UQCRC2: variants seen among roughly 807,000 people sequenced by gnomAD.
UQCRC2 encodes cytochrome b-c1 complex subunit 2, mitochondrial.
UQCRC2 carries 49 observed loss-of-function variants against 55.6 expected under a neutral mutation model. The ratio of observed to expected loss-of-function variants is 0.88; its 90% CI spans 0.70 to 1.12. UQCRC2 has a LOEUF of 1.12. Ranked by LOEUF, UQCRC2 falls within the 50% of genes most tolerant of loss-of-function variation. The probability of loss-of-function intolerance (pLI) is 0.00; values close to 1 mark genes in which losing one functional copy is unlikely to be tolerated. For synonymous variants in UQCRC2, 193 were observed against 192.0 expected (o/e 1.01, Z -0.04); for missense variants, 506 against 547.8 (o/e 0.92, Z 0.76).
Position 21,968,689 on chromosome 16 carries a change from A to G in UQCRC2, c.670+4A>G. The stretch of plus-strand genomic sequence containing the variant: ...AGAATGGCTTTGATTGGACTTGGTA[A>G]GTTTAGAGTATTGCCTGCCTGTCAG... On this transcript the variant is annotated splice_donor_region_variant and intron_variant, in intron 8 of 13. Transcript: ENST00000268379. 1 of 1,605,230 alleles carries G rather than the reference A, an allele frequency of 6.2e-7. No individual in the cohort carries two copies.
At position 21,953,368 on chromosome 16, in the gene UQCRC2, A is replaced by G. The variant is rs1898041897; in HGVS notation, c.-56A>G. On this transcript the variant is annotated 5_prime_UTR_variant, in exon 1 of 14. Coordinates refer to ENST00000268379, the MANE Select transcript of UQCRC2 (RefSeq NM_003366.4). The stretch of plus-strand genomic sequence containing the variant: ...CGCTGGGAAACTCCCGGCCTCCGCC[A>G]CCATCTTGCTTTCCTTTAATCCGGC... 12 of 1,600,746 alleles carry G rather than the reference A, an allele frequency of 7.5e-6. No homozygotes were observed. The highest frequency in any genetic ancestry group is 1.7e-4 in the Middle Eastern group (1 of 6,050).
At chr16:21,954,500 T>C (rs182166409) in intron 1 of UQCRC2, among the ~76,000 whole-genome samples, 37 of 152,284 alleles carry the variant, frequency 2.4e-4, no homozygotes, top group Admixed American at 5.2e-4. Context: ...GAAGCACGGT[T>C]AGATTGGCAA....
chr16:21,964,885 C>T (rs1898289103), intron 6 of UQCRC2, among the ~76,000 whole-genome samples: 2 of 152,218 alleles, frequency 1.3e-5, no homozygotes, highest in South Asian at 4.1e-4. Context: ...GAAGGAAATA[C>T]TGCAGGCAAA....
chr16:21,956,465 ATC>A (rs1898088302), intron 1 of UQCRC2, among the ~76,000 whole-genome samples: 1 of 152,114 alleles, frequency 6.6e-6, no homozygotes, highest in Admixed American at 6.5e-5. Flanking sequence ...AATCGCTTGA[ATC>A]CAGGAGGCAG....
intron 4 of UQCRC2, among the ~76,000 whole-genome samples, chr16:21,960,823 TC>T (rs1898182039): frequency 6.6e-6 from 1 of 152,054 alleles, no homozygotes; most frequent in Admixed American, 6.6e-5. Flanking sequence ...AAACAGCATT[TC>T]TTTTTTTTTA....
intron 4 of UQCRC2, among the ~76,000 whole-genome samples, chr16:21,961,632 A>T (rs1283940828): frequency 2.6e-5 from 1 of 38,414 alleles, no homozygotes; most frequent in Non-Finnish European, 3.9e-5. Flanking sequence ...AAATTTATAT[A>T]TATATATATA....
At chr16:21,979,779 A>C (rs1230357108) in intron 12 of UQCRC2, among the ~76,000 whole-genome samples, 1 of 152,178 alleles carries the variant, frequency 6.6e-6, no homozygotes, top group Non-Finnish European at 1.5e-5. Context: ...ATTGCACTAC[A>C]ACATTATGTT....
chr16:21,953,365 G>T lies in UQCRC2; in HGVS notation c.-59G>T. 1 of 1,596,054 alleles carries T rather than the reference G, an allele frequency of 6.3e-7. No individual in the cohort carries two copies. The highest frequency in any genetic ancestry group is 8.5e-7 in the Non-Finnish European group (1 of 1,171,046). ...GAACGCTGGGAAACTCCCGGCCTCC[G>T]CCACCATCTTGCTTTCCTTTAATCC... On this transcript the variant is annotated 5_prime_UTR_variant, in exon 1 of 14. Transcript: ENST00000268379.
chr16:21,957,979 G>C (rs980996435), intron 3 of UQCRC2, among the ~76,000 whole-genome samples: 14 of 152,166 alleles, frequency 9.2e-5, no homozygotes, highest in African/African-American at 3.4e-4. Context: ...AGTTACATTA[G>C]ATTTAGTGCC....
intron 1 of UQCRC2, among the ~76,000 whole-genome samples, chr16:21,955,054 CAA>C (rs11388256): frequency 3.9e-5 from 4 of 101,886 alleles, no homozygotes; most frequent in Non-Finnish European, 5.6e-5. Context: ...GACTCCGTCT[CAA>C]AAAAAAAAAA....
intron 7 of UQCRC2, among the ~76,000 whole-genome samples, chr16:21,965,748 A>T (rs1898310015): frequency 6.6e-6 from 1 of 152,238 alleles, no homozygotes. Context: ...AAGTAAAATC[A>T]AACAAAATGA....
chr16:21,969,467 G>T (rs533931393), intron 8 of UQCRC2, among the ~76,000 whole-genome samples: 11 of 152,294 alleles, frequency 7.2e-5, no homozygotes, highest in Non-Finnish European at 1.5e-5. Flanking sequence ...AGGAGGCAGT[G>T]ATTGCAGTGA....
intron 10 of UQCRC2, among the ~76,000 whole-genome samples, chr16:21,972,348 G>A (rs532223719): frequency 6.6e-6 from 1 of 152,140 alleles, no homozygotes; most frequent in African/African-American, 2.4e-5. Flanking sequence ...AAGAGGAATT[G>A]AATGCTTAGA....
intron 4 of UQCRC2, among the ~76,000 whole-genome samples, chr16:21,961,659 TATATATATA>T (rs1567470600): frequency 9.4e-6 from 1 of 106,584 alleles, no homozygotes. Flanking sequence ...TATATATATA[TATATATATA>T]TTTTAGACAG....
intron 7 of UQCRC2, among the ~76,000 whole-genome samples, chr16:21,968,262 A>G (rs1324324514): frequency 6.6e-6 from 1 of 152,142 alleles, no homozygotes; most frequent in Non-Finnish European, 1.5e-5. Flanking sequence ...TTGGCCTCCC[A>G]GAGTGCTGGG....
intron 8 of UQCRC2, among the ~76,000 whole-genome samples, chr16:21,969,594 C>T (rs1383629947): frequency 1.3e-5 from 2 of 152,146 alleles, no homozygotes; most frequent in Non-Finnish European, 2.9e-5. Context: ...ATTTGTCTTA[C>T]AGAAACATTA....
At chr16:21,968,133 C>G (rs763852176) in intron 7 of UQCRC2, among the ~76,000 whole-genome samples, 9 of 151,670 alleles carry the variant, frequency 5.9e-5, no homozygotes, top group Non-Finnish European at 1.2e-4. Flanking sequence ...ACCCATGTAG[C>G]TGGGATTACA....
chr16:21,976,340 T>C (rs1898584796), intron 12 of UQCRC2, 97 bp downstream of exon 12: 1 of 1,050,514 alleles, frequency 9.5e-7, no homozygotes, highest in Non-Finnish European at 1.4e-6. Flanking sequence ...TCATAAGGAC[T>C]GAGAAGTACA....
chr16:21,975,815 G>A (rs1898569765), intron 11 of UQCRC2, among the ~76,000 whole-genome samples: 1 of 152,168 alleles, frequency 6.6e-6, no homozygotes, highest in South Asian at 2.1e-4. Context: ...GTTTGGCCGG[G>A]TGTGGTGGCT....
Sources: allele counts gnomAD v4.1 joint callset (sites outside exome capture counted in the v4.1 genomes callset), GRCh38; gene constraint gnomAD v4.1.1; transcripts MANE v1.5; gene names NCBI Gene and HGNC (gene_info 2026-07-23, HGNC 2026-07-21).